The following TACC2 variants were observed in gnomAD, a reference collection of about 807,000 sequenced individuals.
TACC2 encodes transforming acidic coiled-coil-containing protein 2.
Under a neutral mutation model 227.3 loss-of-function variants are expected in TACC2, and 137 were observed. That is an observed-to-expected ratio of 0.60 (90% CI 0.52 to 0.69). TACC2 has a LOEUF of 0.69. TACC2 is among the 30% of genes least tolerant of loss of function. TACC2 has a pLI of 0.00. For synonymous variants in TACC2, 1,523 were observed against 1,487.5 expected, an observed-to-expected ratio of 1.02 and a Z score of -0.55; for missense variants, 3,470 against 3,694.4, an observed-to-expected ratio of 0.94 and a Z score of 1.57.
rs140827232 is a variant in TACC2 at position 122,131,801 on chromosome 10, C to A, written c.5574-808C>A. ...CTTTGGGAGGCCAAGGCGGGCAGACCACTTGAACCTAGGAGTTTGAGACCA... is the reference window on the plus strand; with the variant it reads ...CTTTGGGAGGCCAAGGCGGGCAGACAACTTGAACCTAGGAGTTTGAGACCA... On this transcript the variant is annotated intron_variant, in intron 5 of 22. Coordinates refer to ENST00000369005, the MANE Select transcript of TACC2 (RefSeq NM_206862.4). 7.9e-5 allele frequency among the ~76,000 whole-genome samples: 12 copies of A among 151,754 alleles called. No individual in the cohort carries two copies. The East Asian group carries it at 2.3e-3, about 30-fold the overall frequency.
At chr10:122,129,084 T>C (rs4376837) in intron 5 of TACC2, among the ~76,000 whole-genome samples, 11,270 of 148,070 alleles carry the variant, frequency 0.076, 657 homozygotes, top group East Asian at 0.17. Flanking sequence ...TTATTATTAT[T>C]ATTATTATTA....
intron 7 of TACC2, among the ~76,000 whole-genome samples, chr10:122,160,025 G>GCTATGTATCTTTTGTTTAT (rs1269033301): frequency 1.3e-5 from 2 of 152,142 alleles, no homozygotes; most frequent in Non-Finnish European, 2.9e-5. Flanking sequence ...GCACTACATA[G>GCTATGTATCTTTTGTTTAT]CTTCAGTTTA....
chr10:122,115,349 G>A (rs1261245966), intron 5 of TACC2, among the ~76,000 whole-genome samples: 1 of 151,976 alleles, frequency 6.6e-6, no homozygotes, highest in Non-Finnish European at 1.5e-5. Flanking sequence ...ATATGGGGCA[G>A]GCTTTGTGGT....
chr10:122,228,117 A>G, intron 14 of TACC2, 109 bp downstream of exon 14: 2 of 1,202,594 alleles, frequency 1.7e-6, no homozygotes, highest in Non-Finnish European at 2.3e-6. Context: ...GGCACCTGCC[A>G]TGGGTCCCAC....
intron 5 of TACC2, among the ~76,000 whole-genome samples, chr10:122,115,271 AGTGTGTGTGTGTGTGTGTGTGTGT>A (rs1180604805): frequency 4.9e-5 from 3 of 60,800 alleles, no homozygotes; most frequent in Non-Finnish European, 1.1e-4. Flanking sequence ...TAGGTAGGTG[AGTGTGTGTGTGTGTGTGTGTGTGT>A]GTGTGTGTGT....
chr10:122,210,987 T>C lies in TACC2; in HGVS notation c.6562T>C (p.Leu2188=), dbSNP rs369583357. 1 of 1,613,238 alleles carries C rather than the reference T, an allele frequency of 6.2e-7. No individual in the cohort carries two copies. Among genetic ancestry groups the C allele is most frequent in the African/African-American group, 1.3e-5 (1 of 74,868 alleles). Residue 2188 remains leucine, a synonymous_variant, in exon 9 of 23, where the codon TTG becomes CTG. Coordinates refer to ENST00000369005, the MANE Select transcript of TACC2 (RefSeq NM_206862.4). The surrounding 1 kb of genome is among the most constrained non-coding windows in gnomAD (Gnocchi z 4.6). The part of the protein sequence containing the change: ...AKTEGPSPAL[L]EETPLEPAVG... The stretch of plus-strand genomic sequence containing the variant: ...GACGGAAGGTCCTAGCCCAGCCTTA[T>C]TGGAGGAGACGCCCCTTGAGCCCGC...
At chr10:122,028,834 TCCGC>T in intron 2 of TACC2, among the ~76,000 whole-genome samples, 1 of 37,712 alleles carries the variant, frequency 2.7e-5, no homozygotes, top group Non-Finnish European at 4.5e-5. Flanking sequence ...TTCCCTTCCC[TCCGC>T]TCCCCTCCCC....
At chr10:122,224,536 G>T (rs927239523) in intron 11 of TACC2, among the ~76,000 whole-genome samples, 190 bp from the exon 12 acceptor site, 4 of 152,170 alleles carry the variant, frequency 2.6e-5, no homozygotes, top group Admixed American at 1.3e-4. Flanking sequence ...TTTACCGTTT[G>T]TCTGAAAATA....
chr10:122,050,599 T>C lies in TACC2; in HGVS notation c.146+49T>C. 7.0e-7 allele frequency: 1 copy of C among 1,437,502 alleles called. No individual in the cohort carries two copies. The highest frequency in any genetic ancestry group is 9.8e-7 in the Non-Finnish European group (1 of 1,025,316). The allele number at this position is 1,437,502 out of a possible 1,614,324, so 89.0% of individuals were successfully genotyped here. ...TGATGCAGCCCAAGGACTGCCCCGC[T>C]CATTGCCTGCTCCAGCATTAGCTTT... On this transcript the variant is annotated intron_variant, in intron 3 of 22. Coordinates refer to ENST00000369005, the MANE Select transcript of TACC2 (RefSeq NM_206862.4). The surrounding 1 kb of genome is among the most constrained non-coding windows in gnomAD (Gnocchi z 4.6).
chr10:122,031,558 C>T (rs1958970391), intron 2 of TACC2, among the ~76,000 whole-genome samples: 1 of 151,762 alleles, frequency 6.6e-6, no homozygotes, highest in Non-Finnish European at 1.5e-5. Context: ...GCGCCCACCA[C>T]TGCGCCCGGC....
chr10:122,163,743 G>C (rs1193476133), intron 7 of TACC2: 4 of 1,184,952 alleles, frequency 3.4e-6, no homozygotes, highest in Non-Finnish European at 4.2e-6. Context: ...CCGGCCCCCG[G>C]CTCGGGCCGC....
At chr10:122,043,506 T>A (rs182626920) in intron 2 of TACC2, among the ~76,000 whole-genome samples, 17 of 127,564 alleles carry the variant, frequency 1.3e-4, no homozygotes, top group African/African-American at 4.5e-4. Context: ...TTTCTTTTTC[T>A]CTTTCTTTTT....
chr10:122,132,032 A>AAAAG lies in TACC2; in HGVS notation c.5574-545_5574-542dup, dbSNP rs1555058736. On this transcript the variant is annotated intron_variant, in intron 5 of 22. Coordinates refer to ENST00000369005, the MANE Select transcript of TACC2 (RefSeq NM_206862.4). ...GCGAGACAGTCTCAAAAAAGAAAGA[A>AAAAG]AAAGAAAGAAAGAAAGAAAGAAAGA... 1.2e-3 allele frequency among the ~76,000 whole-genome samples: 37 copies of AAAAG among 30,308 alleles called. 1 individual carries two copies. Among genetic ancestry groups the AAAAG allele is most frequent in the African/African-American group, 3.1e-3 (36 of 11,534 alleles). 19.9% of individuals were successfully genotyped at this position (30,308 alleles called of 152,430 possible).
In TACC2 at chr10:122,028,884, TCCGCTCCCC is replaced by T. The variant is rs1315447270; in HGVS notation, c.33+6871_33+6879del. 3.2e-4 allele frequency among the ~76,000 whole-genome samples: 13 copies of T among 40,026 alleles called. 1 individual carries two copies. Among genetic ancestry groups the T allele is most frequent in the African/African-American group, 7.3e-4 (7 of 9,564 alleles). 26.3% of individuals were successfully genotyped at this position (40,026 alleles called of 152,430 possible). A position where few individuals can be genotyped will look rare whatever the true frequency, so the allele number is the denominator to read the frequency against. On this transcript the variant is annotated intron_variant, in intron 2 of 22. Coordinates refer to ENST00000369005, the MANE Select transcript of TACC2 (RefSeq NM_206862.4). ...TCCCCTCCCCTTCCCTTCCCTTCCC[TCCGCTCCCC>T]TCCCCTCCTCTCCCCTCCCCTTCCC...
In TACC2 at chr10:122,098,270, T is replaced by C. The variant is rs141567927; in HGVS notation, c.5573+9679T>C. Among the ~76,000 whole-genome samples, 1,344 of 152,338 alleles carry C rather than the reference T, an allele frequency of 8.8e-3. 21 individuals carry two copies. The highest frequency in any genetic ancestry group is 0.031 in the African/African-American group (1,277 of 41,576). Reference sequence around the variant, plus strand: ...TTGATAGAGAGCTGGTCTTGGCCTCTGGCTAAGAGAATAAGCTATGATCTT... The same window carrying C: ...TTGATAGAGAGCTGGTCTTGGCCTCCGGCTAAGAGAATAAGCTATGATCTT... On this transcript the variant is annotated intron_variant, in intron 5 of 22. Transcript: ENST00000369005.
chr10:122,193,465 T>C (rs1247414286), intron 7 of TACC2, among the ~76,000 whole-genome samples: 1 of 152,174 alleles, frequency 6.6e-6, no homozygotes, highest in Non-Finnish European at 1.5e-5. Flanking sequence ...TTCTTTGATC[T>C]TTTTGGAAGC....
chr10:122,171,346 G>T (rs960263361), intron 7 of TACC2, among the ~76,000 whole-genome samples: 2 of 152,154 alleles, frequency 1.3e-5, no homozygotes, highest in African/African-American at 4.8e-5. Flanking sequence ...GCCGAGGTAG[G>T]GGGGTGGAGG....
chr10:122,127,703 G>A (rs1025391776), intron 5 of TACC2, among the ~76,000 whole-genome samples: 4 of 152,112 alleles, frequency 2.6e-5, no homozygotes, highest in Non-Finnish European at 5.9e-5. Context: ...TCTGAGAAGA[G>A]CTGTTTTAGA....
intron 1 of TACC2, among the ~76,000 whole-genome samples, chr10:121,995,137 G>A (rs1202492987): frequency 6.6e-6 from 1 of 152,168 alleles, no homozygotes; most frequent in Non-Finnish European, 1.5e-5. Context: ...TTGAAAGCTC[G>A]TATTGTGTTG....
Sources: gnomAD v4.1 joint callset for allele counts (sites outside exome capture counted in the v4.1 genomes callset) on GRCh38, gnomAD v4.1.1 for gene constraint, Gnocchi (gnomAD v3.1) non-coding constraint, MANE v1.5 for transcripts, NCBI Gene and HGNC (gene_info 2026-07-23, HGNC 2026-07-21) for gene names.